TXNDC5: variants seen among roughly 807,000 people sequenced by gnomAD.
TXNDC5 encodes the protein thioredoxin domain-containing protein 5.
TXNDC5 carries 44 observed loss-of-function variants against 52.6 expected under a neutral mutation model. The observed-to-expected ratio is 0.84, with a 90% CI of 0.66 to 1.08. TXNDC5 has a LOEUF of 1.08. Among genes scored for constraint, TXNDC5 ranks in the 50% least tolerant of loss-of-function variants. The pLI, the probability that TXNDC5 is intolerant of heterozygous loss-of-function variation, is 0.00. For synonymous variants in TXNDC5, 241 were observed against 234.4 expected (o/e 1.03, Z -0.26); for missense variants, 600 against 565.5 (o/e 1.06, Z -0.62).
rs376234138 is a variant in TXNDC5, at chr6:7,889,476, C to T, written c.819+19G>A. The T allele has an allele frequency of 1.9e-6, 3 of 1,610,098 alleles. No homozygotes were observed. The highest frequency in any genetic ancestry group is 2.5e-6 in the Non-Finnish European group (3 of 1,176,614). Reference sequence around the variant, plus strand: ...GTTAAGAGATGAAGAATTCTCAGTACTAAGAAGTGCAGACGTACCTTTTTC... The same window carrying T: ...GTTAAGAGATGAAGAATTCTCAGTATTAAGAAGTGCAGACGTACCTTTTTC... On this transcript the variant is annotated intron_variant, in intron 6 of 9. Coordinates refer to ENST00000379757, the MANE Select transcript of TXNDC5 (RefSeq NM_030810.5).
At position 7,910,631 on chromosome 6, in the gene TXNDC5, G is replaced by C. The variant is rs1005596038; in HGVS notation, c.146C>G (p.Pro49Arg). ...TCCGTCCTCGCCGTCTGCCGCGGGG[G>C]GCCCGTCCGCCGCCGCCGCCGCCGC... ...QEAAAAAADG[P>R]PAADGEDGQD... is the part of the protein sequence containing the mutation. The change falls in exon 1 of 10, where the codon CCC (proline) becomes CGC (arginine). Residue 49 changes from proline to arginine, a missense_variant. Coordinates refer to ENST00000379757, the MANE Select transcript of TXNDC5 (RefSeq NM_030810.5). 7.5e-7 allele frequency: 1 copy of C among 1,335,234 alleles called. No homozygotes were observed. Among genetic ancestry groups the C allele is most frequent in the Non-Finnish European group, 9.8e-7 (1 of 1,024,292 alleles). The allele number at this position is 1,335,234 out of a possible 1,614,324, so 82.7% of individuals were successfully genotyped here. A position where few individuals can be genotyped will look rare whatever the true frequency, so the allele number is the denominator to read the frequency against.
chr6:7,891,660 A>G lies in TXNDC5; in HGVS notation c.693T>C (p.Ala231=). ...CAGTTTCGGAATGTTCAAGGCCCAG[A>G]GCCAGCTGCTCCCAGGTTGGAGCCA... The part of the protein sequence containing the change: ...KALAPTWEQL[A]LGLEHSETVK... The change falls in exon 5 of 10, where the codon GCT becomes GCC. Residue 231 remains alanine, a synonymous_variant. Transcript: ENST00000379757. 1 of 1,614,072 alleles carries G rather than the reference A, an allele frequency of 6.2e-7. No individual in the cohort carries two copies. The highest frequency in any genetic ancestry group is 8.5e-7 in the Non-Finnish European group (1 of 1,179,952).
intron 8 of TXNDC5, 91 bp downstream of exon 8, chr6:7,885,870 A>G (rs755685697): frequency 2.4e-5 from 28 of 1,161,160 alleles, no homozygotes; most frequent in Non-Finnish European, 3.5e-5. Context: ...TGTGCCCAAC[A>G]TTGAGTCTGG....
chr6:7,904,322 T>C (rs1378059947), intron 2 of TXNDC5, among the ~76,000 whole-genome samples: 1 of 152,154 alleles, frequency 6.6e-6, no homozygotes, highest in Non-Finnish European at 1.5e-5. Context: ...ACATCTAGCA[T>C]GGCGGGACCG....
At chr6:7,889,220 G>T (rs1760110973) in intron 6 of TXNDC5, 2 of 468,138 alleles carry the variant, frequency 4.3e-6, no homozygotes, top group Non-Finnish European at 7.6e-6. Flanking sequence ...AGGCCTGAAG[G>T]TTTGTGTTTA....
chr6:7,908,414 C>T (rs1250493358), intron 1 of TXNDC5, among the ~76,000 whole-genome samples: 1 of 151,898 alleles, frequency 6.6e-6, no homozygotes, highest in Admixed American at 6.6e-5. Context: ...TGCCAGTTTT[C>T]TCTCACTCAG....
chr6:7,910,496 C>A lies in TXNDC5; in HGVS notation c.263+18G>T. ...AAGCGCCAAGTGCGGGGCAGGGCGC[C>A]GGCCTGCGCGGCGTTACCAGGGCGC... On this transcript the variant is annotated intron_variant, in intron 1 of 9. Transcript: ENST00000379757. The A allele has an allele frequency of 1.4e-6, 2 of 1,424,430 alleles. No homozygotes were observed. The highest frequency in any genetic ancestry group is 1.9e-6 in the Non-Finnish European group (2 of 1,076,100). The allele number at this position is 1,424,430 out of a possible 1,614,324, so 88.2% of individuals were successfully genotyped here.
In TXNDC5 at chr6:7,893,664, T is replaced by G. The variant is rs76451216; in HGVS notation, c.616+1442A>C. On this transcript the variant is annotated intron_variant, in intron 4 of 9. Transcript: ENST00000379757. ...CGTAGCGGAAAGCATGCTAGAGTTC[T>G]GCCGTCAGGGCGCTGGTATGGATGA... is the stretch of plus-strand genomic sequence containing the variant. Among the ~76,000 whole-genome samples the G allele has an allele frequency of 2.4e-3, 365 of 152,356 alleles. 9 individuals are homozygous for G. In the East Asian group the frequency reaches 0.059, roughly 25 times the overall value.
intron 1 of TXNDC5, among the ~76,000 whole-genome samples, chr6:7,909,545 G>A (rs1397901308): frequency 2.0e-5 from 3 of 152,176 alleles, no homozygotes; most frequent in African/African-American, 7.2e-5. Context: ...CAAAGCAAGA[G>A]GGACCATCTG....
At position 7,882,981 on chromosome 6, in the gene TXNDC5, A is replaced by T. The variant is rs1384798864; in HGVS notation, c.*163T>A. 7 of 830,026 alleles carry T rather than the reference A, an allele frequency of 8.4e-6. No individual in the cohort carries two copies. The highest frequency in any genetic ancestry group is 8.1e-5 in the East Asian group (3 of 37,038). The allele number at this position is 830,026 out of a possible 1,614,324, so 51.4% of individuals were successfully genotyped here. ...ACTTAACTTAATAAAGAATCTGTAG[A>T]GTGTGTTGGCTTGGAAAACACACAC... On this transcript the variant is annotated 3_prime_UTR_variant, in exon 10 of 10. Coordinates refer to ENST00000379757, the MANE Select transcript of TXNDC5 (RefSeq NM_030810.5).
intron 2 of TXNDC5, among the ~76,000 whole-genome samples, chr6:7,901,215 T>C (rs1760555579): frequency 3.9e-5 from 6 of 152,306 alleles, no homozygotes; most frequent in Admixed American, 2.6e-4. Flanking sequence ...GATAAGCAAC[T>C]GCAACATCTG....
At chr6:7,899,496 C>G (rs1214051968) in intron 3 of TXNDC5, 80 bp downstream of exon 3, 1 of 1,052,860 alleles carries the variant, frequency 9.5e-7, no homozygotes, top group Non-Finnish European at 1.4e-6. Flanking sequence ...TGGCCTCTGC[C>G]CCGTTACATA....
intron 8 of TXNDC5, 50 bp from the exon 9 acceptor site, chr6:7,884,538 T>G (rs767438304): frequency 1.3e-4 from 210 of 1,610,726 alleles, no homozygotes; most frequent in Non-Finnish European, 1.7e-4. Flanking sequence ...TCGAGATCAT[T>G]CACCTACACT....
At chr6:7,892,277 C>T (rs1353490564) in intron 4 of TXNDC5, among the ~76,000 whole-genome samples, 1 of 152,238 alleles carries the variant, frequency 6.6e-6, no homozygotes, top group Non-Finnish European at 1.5e-5. Context: ...CCAGACCCAA[C>T]TACCAATTTC....
chr6:7,893,585 T>C (rs964994324), intron 4 of TXNDC5, among the ~76,000 whole-genome samples: 2 of 151,604 alleles, frequency 1.3e-5, no homozygotes, highest in Non-Finnish European at 2.9e-5. Context: ...ACAGGTGATT[T>C]GGGAAACACA....
rs183301116 is a variant in TXNDC5 at position 7,909,690 on chromosome 6, A to G, written c.263+824T>C. 3.0e-4 allele frequency: 243 copies of G among 816,582 alleles called. 1 individual carries two copies. In the East Asian group the frequency reaches 5.3e-3, roughly 18 times the overall value. The allele number at this position is 816,582 out of a possible 1,614,324, so 50.6% of individuals were successfully genotyped here. On this transcript the variant is annotated intron_variant, in intron 1 of 9. Transcript: ENST00000379757. ...AGAGATTACATCCACCCTGAGCTGC[A>G]GGGGGGCGGAGGGGTTCCAGAATTC...
rs763707270 is a variant in TXNDC5, at chr6:7,884,453, T to C, written c.1082A>G (p.Glu361Gly). 1.2e-6 allele frequency: 2 copies of C among 1,614,080 alleles called. No individual in the cohort carries two copies. Among genetic ancestry groups the C allele is most frequent in the Non-Finnish European group, 1.7e-6 (2 of 1,179,978 alleles). ...GHCKTLAPTW[E>G]ELSKKEFPGL... is the part of the protein sequence containing the mutation. ...AGGGAATTCCTTTTTAGAGAGTTCC[T>C]CCCAAGTAGGAGCCAGAGTCTTACA... Residue 361 changes from glutamate to glycine, a missense_variant, in exon 9 of 10, where the codon GAG (glutamate) becomes GGG (glycine). Glu to Gly is a moderately conservative substitution (Grantham distance 98, BLOSUM62 -2). Coordinates refer to ENST00000379757, the MANE Select transcript of TXNDC5 (RefSeq NM_030810.5).
intron 1 of TXNDC5, chr6:7,909,844 C>A (rs1760855127): frequency 1.0e-6 from 1 of 985,956 alleles, no homozygotes; most frequent in African/African-American, 1.7e-5. Flanking sequence ...GTTAAAGCCT[C>A]TGGAAGGGGA....
Position 7,885,947 on chromosome 6 carries a change from A to G in TXNDC5, c.1046+14T>C. The G allele has an allele frequency of 1.2e-6, 2 of 1,613,362 alleles. No homozygotes were observed. Among genetic ancestry groups the G allele is most frequent in the Middle Eastern group, 1.6e-4 (1 of 6,062 alleles). On this transcript the variant is annotated intron_variant, in intron 8 of 9. Transcript: ENST00000379757. ...CACATGGACAAAGTAGTTTCTAATT[A>G]AACAGCCACTTACCATGGAGCATAA...
Sources: gnomAD v4.1 joint callset for allele counts (sites outside exome capture counted in the v4.1 genomes callset) on GRCh38, gnomAD v4.1.1 for gene constraint, MANE v1.5 for transcripts, NCBI Gene and HGNC (gene_info 2026-07-23, HGNC 2026-07-21) for gene names.